The following NAV1 variants were observed in gnomAD, a reference collection of about 807,000 sequenced individuals.
The protein encoded by NAV1 is pore membrane and/or filament interacting like protein 3.
Under a neutral mutation model 175.2 loss-of-function variants are expected in NAV1, and 18 were observed. The ratio of observed to expected loss-of-function variants is 0.10; its 90% confidence interval spans 0.07 to 0.15. NAV1 has a LOEUF of 0.15. NAV1 is among the 10% of genes least tolerant of loss of function. The pLI, the probability that NAV1 is intolerant of heterozygous loss-of-function variation, is 1.00. For synonymous variants in NAV1, 897 were observed against 978.7 expected, an observed-to-expected ratio of 0.92 and a Z score of 1.56; for missense variants, 1,731 against 2,436.6, an observed-to-expected ratio of 0.71 and a Z score of 6.10.
intron 3 of NAV1, chr1:201,733,569 T>C (rs1558108089): frequency 6.6e-6 from 1 of 151,760 alleles, no homozygotes; most frequent in Non-Finnish European, 1.5e-5. Flanking sequence ...CAGATAAACA[T>C]GCAATAGGTT....
chr1:201,810,477 C>A lies in NAV1; in HGVS notation c.4562-46C>A, dbSNP rs1311529066. ...AAGCCCTTTAGGATCCCTTGCTATCCTCAAGACCCTGGTCAATACTCATGC... is the reference window on the plus strand; with the variant it reads ...AAGCCCTTTAGGATCCCTTGCTATCATCAAGACCCTGGTCAATACTCATGC... On this transcript the variant is annotated intron_variant, in intron 23 of 29. Transcript: ENST00000367296. The surrounding 1 kb of genome is among the most constrained non-coding windows in gnomAD (Gnocchi z 6.0). 2.6e-6 allele frequency: 4 copies of A among 1,545,292 alleles called. No homozygotes were observed. Among genetic ancestry groups the A allele is most frequent in the Non-Finnish European group, 1.8e-6 (2 of 1,137,772 alleles).
intron 1 of NAV1, among the ~76,000 whole-genome samples, chr1:201,678,174 C>T (rs560289419): frequency 6.6e-6 from 1 of 152,200 alleles, no homozygotes; most frequent in East Asian, 1.9e-4. Context: ...TATTAATATC[C>T]CCAAAAGGTA....
At chr1:201,568,966 A>G (rs1396566036) in intron 1 of NAV1, among the ~76,000 whole-genome samples, 1 of 152,184 alleles carries the variant, frequency 6.6e-6, no homozygotes, top group Non-Finnish European at 1.5e-5. Context: ...TGTGTGGTCC[A>G]GGAGCCTGAA....
chr1:201,823,848 C>T (rs1343985133), exon 30 of NAV1: 3 of 152,206 alleles, frequency 2.0e-5, no homozygotes. Context: ...TAACCCCTTA[C>T]AGTGGTCTGA....
chr1:201,780,183 C>G (rs943954623), intron 3 of NAV1, among the ~76,000 whole-genome samples: 1 of 152,136 alleles, frequency 6.6e-6, no homozygotes. Flanking sequence ...GAAGATACAA[C>G]GTTTTCTCTT....
chr1:201,741,079 G>C (rs1673390061), intron 3 of NAV1, among the ~76,000 whole-genome samples: 1 of 152,144 alleles, frequency 6.6e-6, no homozygotes, highest in African/African-American at 2.4e-5. Context: ...CCTGCACCCT[G>C]TAACATGCTC....
intron 2 of NAV1, among the ~76,000 whole-genome samples, chr1:201,598,310 T>A (rs1252932398): frequency 1.3e-5 from 2 of 152,242 alleles, no homozygotes; most frequent in South Asian, 4.1e-4. Context: ...AGATAAAGAA[T>A]GAGGCAGGGC....
chr1:201,642,800 T>C lies in NAV1; in HGVS notation c.5-5834T>C, dbSNP rs548035462. ...TCTTTTCTTTTCTTTCTCGGAGTCT[T>C]GCTCTGTCGCCCAGGCTGGAGTGCA... On this transcript the variant is annotated intron_variant, in intron 2 of 29. Coordinates refer to the NAV1 transcript ENST00000367302. Among the ~76,000 whole-genome samples the C allele has an allele frequency of 7.3e-5, 11 of 150,580 alleles. No individual in the cohort carries two copies. The East Asian group carries it at 7.9e-4, about 11-fold the overall frequency.
chr1:201,785,505 C>T (rs144530341), intron 8 of NAV1, among the ~76,000 whole-genome samples, 154 bp downstream of exon 12: 40 of 152,238 alleles, frequency 2.6e-4, no homozygotes, highest in African/African-American at 9.1e-4. Flanking sequence ...CCACCTAGTA[C>T]CTTGCCCAAG....
At chr1:201,805,615 G>T (rs1039975828) in intron 17 of NAV1, among the ~76,000 whole-genome samples, 3 of 152,174 alleles carry the variant, frequency 2.0e-5, no homozygotes, top group African/African-American at 7.2e-5. Context: ...AGCCCATTGA[G>T]ATGCTCCTTA....
At chr1:201,734,821 C>T (rs1276523793) in intron 3 of NAV1, among the ~76,000 whole-genome samples, 1 of 152,072 alleles carries the variant, frequency 6.6e-6, no homozygotes, top group African/African-American at 2.4e-5. Context: ...TCCTCTGTCT[C>T]ATGTTCTCAG....
chr1:201,576,263 A>G (rs1461213169), intron 1 of NAV1, among the ~76,000 whole-genome samples: 1 of 152,158 alleles, frequency 6.6e-6, no homozygotes, highest in Admixed American at 6.5e-5. Context: ...ATCATAGAGC[A>G]TATTCCTTTT....
chr1:201,782,233 T>G lies in NAV1; in HGVS notation c.1721T>G (p.Leu574Arg). 1.2e-6 allele frequency: 2 copies of G among 1,613,822 alleles called. No individual in the cohort carries two copies. The highest frequency in any genetic ancestry group is 1.7e-6 in the Non-Finnish European group (2 of 1,179,874). ...AAGCTTGCAGTGAAGAATACTGGGCTCCAACGCTCCTCCTCTGATGCTGGT... is the reference window on the plus strand; with the variant it reads ...AAGCTTGCAGTGAAGAATACTGGGCGCCAACGCTCCTCCTCTGATGCTGGT... Residue 574 changes from leucine (L) to arginine (R), a missense_variant, in exon 6 of 30, where the codon CTC (leucine) becomes CGC (arginine). Coordinates refer to ENST00000367296, the Ensembl canonical transcript of NAV1. This position sits in a 1 kb window ranked among gnomAD's most constrained non-coding sequence, Gnocchi z 5.4.
intron 1 of NAV1, among the ~76,000 whole-genome samples, chr1:201,650,507 T>C (rs1400281254): frequency 2.0e-5 from 3 of 152,090 alleles, no homozygotes; most frequent in African/African-American, 7.2e-5. Context: ...GCTTCCTGGG[T>C]ACCCGGCAGG....
At chr1:201,658,122 G>A (rs1431517445) in intron 1 of NAV1, among the ~76,000 whole-genome samples, 1 of 152,174 alleles carries the variant, frequency 6.6e-6, no homozygotes, top group African/African-American at 2.4e-5. Flanking sequence ...GCCTCCAGGA[G>A]CCTCAAGACT....
chr1:201,780,998 T>A lies in NAV1; in HGVS notation c.1366-14T>A, dbSNP rs771860416. ...ATAGAAGTATCTCACTCTGCCTTTTTCTCTTTTCTTTAGCTACGCACAGAC... is the reference window on the plus strand; with the variant it reads ...ATAGAAGTATCTCACTCTGCCTTTTACTCTTTTCTTTAGCTACGCACAGAC... On this transcript the variant is annotated splice_polypyrimidine_tract_variant and intron_variant, in intron 4 of 29. Coordinates refer to ENST00000367296, the Ensembl canonical transcript of NAV1. 1.3e-6 allele frequency: 2 copies of A among 1,581,936 alleles called. No homozygotes were observed. The highest frequency in any genetic ancestry group is 1.7e-6 in the Non-Finnish European group (2 of 1,165,600).
intron 3 of NAV1, among the ~76,000 whole-genome samples, chr1:201,734,276 C>T (rs1672994522): frequency 6.6e-6 from 1 of 151,562 alleles, no homozygotes; most frequent in African/African-American, 2.4e-5. Flanking sequence ...GCGATGATGG[C>T]TTGCACCTGT....
At chr1:201,615,385 C>T (rs942471902) in intron 2 of NAV1, among the ~76,000 whole-genome samples, 20 of 152,040 alleles carry the variant, frequency 1.3e-4, no homozygotes, top group African/African-American at 3.9e-4. Flanking sequence ...CTGCTTCAGC[C>T]TCCCGAATAG....
chr1:201,788,787 C>T lies in NAV1; in HGVS notation c.3166+149C>T. Reference sequence around the variant, plus strand: ...GCCATTTCAGTTTTTTCTCCCCATCCCTTTGAAGGGTCTGGGGACCCAGAA... The same window carrying T: ...GCCATTTCAGTTTTTTCTCCCCATCTCTTTGAAGGGTCTGGGGACCCAGAA... On this transcript the variant is annotated intron_variant, in intron 10 of 29. Transcript: ENST00000367296. This position sits in a 1 kb window ranked among gnomAD's most constrained non-coding sequence, Gnocchi z 5.7. The T allele has an allele frequency of 2.1e-6, 2 of 953,096 alleles. No individual in the cohort carries two copies. Among genetic ancestry groups the T allele is most frequent in the South Asian group, 3.4e-5 (2 of 59,204 alleles). 59.0% of individuals were successfully genotyped at this position (953,096 alleles called of 1,614,324 possible).
Sources: gnomAD v4.1 joint callset for allele counts (sites outside exome capture counted in the v4.1 genomes callset) on GRCh38, gnomAD v4.1.1 for gene constraint, Gnocchi (gnomAD v3.1) non-coding constraint, MANE v1.5 for transcripts, NCBI Gene and HGNC (gene_info 2026-07-23, HGNC 2026-07-21) for gene names.